Variants in PCDHGB3 observed in about 807,000 individuals in gnomAD.
PCDHGB3 encodes protocadherin gamma subfamily B, 3.
PCDHGB3 carries 40 observed loss-of-function variants against 59.2 expected under a neutral mutation model. The observed-to-expected ratio is 0.68, with a 90% CI of 0.52 to 0.88. The LOEUF (loss-of-function observed/expected upper bound fraction) is 0.88. Ranked by LOEUF, PCDHGB3 falls within the 40% of genes least tolerant of loss-of-function variation. The probability of loss-of-function intolerance (pLI) is 0.00; values close to 1 mark genes in which losing one functional copy is unlikely to be tolerated. For missense variants in PCDHGB3, 1,309 were observed against 1,187.9 expected (o/e 1.10, Z -1.50); for synonymous variants, 581 against 503.6 (o/e 1.15, Z -2.06).
chr5:141,448,903 C>A (rs1460471063), intron 1 of PCDHGB3, among the ~76,000 whole-genome samples: 2 of 152,112 alleles, frequency 1.3e-5, no homozygotes, highest in Non-Finnish European at 2.9e-5. Context: ...CGAGATCGTG[C>A]CACTGCACTC....
chr5:141,504,956 G>A (rs1327603937), intron 2 of PCDHGB3, among the ~76,000 whole-genome samples: 1 of 152,096 alleles, frequency 6.6e-6, no homozygotes, highest in Non-Finnish European at 1.5e-5. Context: ...TATGTTCAAT[G>A]CATTGGACCA....
intron 1 of PCDHGB3, among the ~76,000 whole-genome samples, chr5:141,433,766 G>A (rs2097649774): frequency 6.6e-6 from 1 of 151,888 alleles, no homozygotes; most frequent in South Asian, 2.1e-4. Flanking sequence ...TAACCTGGGA[G>A]GTGGAGGTTG....
Position 141,503,010 on chromosome 5 carries a change from AT to A in PCDHGB3, c.2475-2371del, listed in dbSNP as rs199924715. ...AGGCGTGTGCCACCATGCCCGGTTA[AT>A]TTTTTTTTTTTAATATCTATTTTAG... On this transcript the variant is annotated intron_variant, in intron 2 of 3. Coordinates refer to ENST00000576222, the MANE Select transcript of PCDHGB3 (RefSeq NM_018924.5). Among the ~76,000 whole-genome samples the A allele has an allele frequency of 6.8e-3, 997 of 146,562 alleles. 9 individuals are homozygous for A. The highest frequency in any genetic ancestry group is 0.023 in the African/African-American group (916 of 39,838).
At chr5:141,458,172 T>C (rs1023447659) in intron 1 of PCDHGB3, among the ~76,000 whole-genome samples, 2 of 152,216 alleles carry the variant, frequency 1.3e-5, no homozygotes, top group African/African-American at 4.8e-5. Flanking sequence ...CACAGTAGTA[T>C]ACCTTACTTG....
chr5:141,410,079 T>A, intron 1 of PCDHGB3: 1 of 1,612,494 alleles, frequency 6.2e-7, no homozygotes, highest in Non-Finnish European at 8.5e-7. Context: ...ACTGGGGAGG[T>A]GCGCACGGCT....
In PCDHGB3 at chr5:141,490,858, G is replaced by C. The variant is rs775132338; in HGVS notation, c.2416-3949G>C. On this transcript the variant is annotated intron_variant, in intron 1 of 3. Coordinates refer to ENST00000576222, the MANE Select transcript of PCDHGB3 (RefSeq NM_018924.5). The surrounding 1 kb of genome is among the most constrained non-coding windows in gnomAD (Gnocchi z 5.4). ...GATTGTGGTGGGGGTTCGAGACTCC[G>C]GCTCTCCCCCATTGCATGCCAACAC... The C allele has an allele frequency of 1.5e-5, 24 of 1,613,704 alleles. 1 individual carries two copies. Among genetic ancestry groups the C allele is most frequent in the Non-Finnish European group, 2.0e-5 (24 of 1,179,918 alleles).
intron 3 of PCDHGB3, chr5:141,507,424 G>C (rs577364087): frequency 6.6e-6 from 1 of 152,202 alleles, no homozygotes; most frequent in African/African-American, 2.4e-5. Context: ...GGTTAAGTGG[G>C]GCCAGGCCTA....
At chr5:141,393,590 G>C (rs778378242) in intron 1 of PCDHGB3, 2 of 1,613,896 alleles carry the variant, frequency 1.2e-6, no homozygotes, top group South Asian at 1.1e-5. Context: ...CCCCAGGCAC[G>C]CGGCTGCTTA....
chr5:141,396,112 A>G (rs916569843), intron 1 of PCDHGB3: 4 of 152,232 alleles, frequency 2.6e-5, no homozygotes, highest in Non-Finnish European at 2.9e-5. Flanking sequence ...TTAAGAACCA[A>G]TGTTTCAGGT....
rs754547223 is a variant in PCDHGB3 at position 141,511,148 on chromosome 5, AGTC to A, written c.2767_2769del (p.Ser923del). The A allele has an allele frequency of 7.4e-6, 12 of 1,614,202 alleles. No individual in the cohort carries two copies. The highest frequency in any genetic ancestry group is 1.0e-5 in the Non-Finnish European group (12 of 1,180,016). ...GCAGGTGGCAATGGCAACAAGAAGA[AGTC>A]GGGCAAGAAGGAGAAGAAGTAACAT... On this transcript the variant is annotated inframe_deletion, in exon 4 of 4. Coordinates refer to ENST00000576222, the MANE Select transcript of PCDHGB3 (RefSeq NM_018924.5).
intron 2 of PCDHGB3, among the ~76,000 whole-genome samples, chr5:141,502,894 G>C (rs1342496006): frequency 6.8e-6 from 1 of 147,968 alleles, no homozygotes; most frequent in Non-Finnish European, 1.5e-5. Context: ...AGGGAGTCTA[G>C]CTCTGTTGCC....
In PCDHGB3 at chr5:141,370,820, C is replaced by T. The variant is rs140287572; in HGVS notation, c.426C>T (p.Ile142=). The change falls in exon 1 of 4, where the codon ATC becomes ATT. Residue 142 remains isoleucine (I), a synonymous_variant. Coordinates refer to ENST00000576222, the MANE Select transcript of PCDHGB3 (RefSeq NM_018924.5). The part of the protein sequence containing the change: ...TFSQNITELE[I]SELALTGATF... ...GCCAAAATATCACTGAGCTGGAAATCAGCGAACTGGCTCTCACTGGAGCCA... is the reference window on the plus strand; with the variant it reads ...GCCAAAATATCACTGAGCTGGAAATTAGCGAACTGGCTCTCACTGGAGCCA... 7 of 1,614,062 alleles carry T rather than the reference C, an allele frequency of 4.3e-6. No homozygotes were observed. The African/African-American group carries it at 5.3e-5, about 12-fold the overall frequency.
intron 1 of PCDHGB3, chr5:141,442,421 T>G (rs1288481455): frequency 1.3e-5 from 2 of 152,290 alleles, no homozygotes; most frequent in East Asian, 3.9e-4. Flanking sequence ...TGAACTTCTT[T>G]TTTGAATCCC....
In PCDHGB3 at chr5:141,370,930, CTT is replaced by C. The variant is rs762522894; in HGVS notation, c.538_539del (p.Leu180AspfsTer10). Reference sequence around the variant, plus strand: ...TACCTCAGCCCTGATCCGCACTTCTCTTTGATTCAGAAGGAGAACCTGGATGG... The same window carrying C: ...TACCTCAGCCCTGATCCGCACTTCTCTGATTCAGAAGGAGAACCTGGATGG... On this transcript the variant is annotated frameshift_variant, in exon 1 of 4. Transcript: ENST00000576222. LOFTEE classifies it high-confidence loss of function. The C allele has an allele frequency of 1.1e-5, 18 of 1,613,894 alleles. No homozygotes were observed. In the African/African-American group the frequency reaches 2.1e-4, roughly 19 times the overall value.
intron 1 of PCDHGB3, chr5:141,388,406 C>T (rs770065402): frequency 1.9e-6 from 3 of 1,613,842 alleles, no homozygotes; most frequent in Non-Finnish European, 2.5e-6. Context: ...AACTCAGTCC[C>T]AGTGATCATT....
chr5:141,390,152 TAC>T, intron 1 of PCDHGB3: 2 of 1,614,054 alleles, frequency 1.2e-6, no homozygotes, highest in Non-Finnish European at 1.7e-6. Flanking sequence ...GTGTTGCACA[TAC>T]AGGAAAGACG....
chr5:141,500,184 TTTTA>T (rs58019021), intron 2 of PCDHGB3, among the ~76,000 whole-genome samples: 6,359 of 135,894 alleles, frequency 0.047, 285 homozygotes, highest in African/African-American at 0.12. Context: ...TCATTTTTAT[TTTTA>T]TTTATTTATT....
chr5:141,431,904 T>A lies in PCDHGB3; in HGVS notation c.2415+59095T>A. On this transcript the variant is annotated intron_variant, in intron 1 of 3. Transcript: ENST00000576222. The surrounding 1 kb of genome is among the most constrained non-coding windows in gnomAD (Gnocchi z 4.8). ...CAAGATTCTGAGGAAAACGGACAGG[T>A]GATCTGTTTCATCCAAGGAAATCTG... is the stretch of plus-strand genomic sequence containing the variant. 1 of 1,613,846 alleles carries A rather than the reference T, an allele frequency of 6.2e-7. No individual in the cohort carries two copies. Among genetic ancestry groups the A allele is most frequent in the Non-Finnish European group, 8.5e-7 (1 of 1,179,708 alleles).
chr5:141,378,991 T>C (rs530834817), intron 1 of PCDHGB3: 34 of 152,352 alleles, frequency 2.2e-4, no homozygotes, highest in African/African-American at 7.7e-4. Flanking sequence ...AACTACATTA[T>C]AGTCAAGATT....
Sources: allele counts gnomAD v4.1 joint callset (sites outside exome capture counted in the v4.1 genomes callset), GRCh38; gene constraint gnomAD v4.1.1; non-coding constraint Gnocchi (gnomAD v3.1); transcripts MANE v1.5; gene names NCBI Gene and HGNC (gene_info 2026-07-23, HGNC 2026-07-21).